Variants in TNFSF13B observed in about 807,000 individuals in gnomAD.
TNFSF13B encodes TNF superfamily member 13b, also known as tumor necrosis factor ligand superfamily member 13B.
TNFSF13B carries 8 observed loss-of-function variants against 29.1 expected under a neutral mutation model. The observed-to-expected ratio is 0.27, with a 90% CI of 0.16 to 0.50. The LOEUF (loss-of-function observed/expected upper bound fraction) is 0.50. TNFSF13B is among the 20% of genes least tolerant of loss of function. TNFSF13B has a pLI of 0.98. For synonymous variants in TNFSF13B, 125 were observed against 130.8 expected (o/e 0.96, Z 0.30); for missense variants, 248 against 334.9 (o/e 0.74, Z 2.03).
upstream of TNFSF13B, chr13:108,269,670 T>C: frequency 2.1e-6 from 1 of 476,378 alleles, no homozygotes; most frequent in Admixed American, 3.9e-5. Flanking sequence ...GGAAGACAGA[T>C]TGAGCAATCC....
chr13:108,290,613 A>G (rs1327861650), intron 3 of TNFSF13B, among the ~76,000 whole-genome samples: 1 of 151,346 alleles, frequency 6.6e-6, no homozygotes, highest in Admixed American at 6.6e-5. Flanking sequence ...ATCTGTTCAT[A>G]TTTTTTTCCA....
At chr13:108,289,178 G>T (rs1000062731) in intron 3 of TNFSF13B, among the ~76,000 whole-genome samples, 6 of 151,532 alleles carry the variant, frequency 4.0e-5, no homozygotes, top group African/African-American at 1.5e-4. Flanking sequence ...CCCCCAAAAT[G>T]CTATAAATTG....
At chr13:108,288,089 T>C (rs1881195372) in intron 3 of TNFSF13B, among the ~76,000 whole-genome samples, 1 of 152,212 alleles carries the variant, frequency 6.6e-6, no homozygotes, top group African/African-American at 2.4e-5. Flanking sequence ...ATCCAGTTTT[T>C]CACAAATTTT....
chr13:108,278,633 T>G (rs1360988054), intron 2 of TNFSF13B, among the ~76,000 whole-genome samples: 8 of 88,102 alleles, frequency 9.1e-5, no homozygotes, highest in Non-Finnish European at 1.5e-4. Flanking sequence ...CCTCCTCCCT[T>G]TCCTCCTCCT....
rs1376662194 is a variant in TNFSF13B, at chr13:108,307,385, G to A, written c.*447G>A. The A allele has an allele frequency of 1.3e-5, 2 of 152,238 alleles. No homozygotes were observed. Among genetic ancestry groups the A allele is most frequent in the Non-Finnish European group, 2.9e-5 (2 of 68,178 alleles). 9.4% of individuals were successfully genotyped at this position (152,238 alleles called of 1,614,324 possible). A position where few individuals can be genotyped will look rare whatever the true frequency, so the allele number is the denominator to read the frequency against. ...CTCAGGATTCATCTTCTGTTTTTAT[G>A]TTAAATGCACTCCCTCCTTTTCAGT... On this transcript the variant is annotated 3_prime_UTR_variant, in exon 6 of 6. Coordinates refer to ENST00000375887, the MANE Select transcript of TNFSF13B (RefSeq NM_006573.5).
intron 2 of TNFSF13B, among the ~76,000 whole-genome samples, chr13:108,280,019 C>T (rs1055546614): frequency 1.3e-5 from 2 of 151,228 alleles, no homozygotes; most frequent in African/African-American, 4.9e-5. Context: ...TGAGTAATAC[C>T]CATTTCTTCC....
chr13:108,277,444 G>T (rs755593032), intron 2 of TNFSF13B, among the ~76,000 whole-genome samples: 3 of 152,004 alleles, frequency 2.0e-5, no homozygotes, highest in Non-Finnish European at 4.4e-5. Context: ...CCTTTGGGTC[G>T]GGGGTTTCTG....
intron 3 of TNFSF13B, among the ~76,000 whole-genome samples, chr13:108,297,172 A>G (rs957488627): frequency 2.1e-5 from 3 of 145,518 alleles, no homozygotes; most frequent in Non-Finnish European, 4.6e-5. Flanking sequence ...TTATTTGAGA[A>G]CATCTTAATT....
At chr13:108,271,905 T>C (rs1247291406) in intron 2 of TNFSF13B, among the ~76,000 whole-genome samples, 2 of 152,176 alleles carry the variant, frequency 1.3e-5, no homozygotes, top group Non-Finnish European at 2.9e-5. Context: ...CAGAACTCTT[T>C]TATTTCTGTG....
chr13:108,284,479 C>T (rs1373572656), intron 2 of TNFSF13B, among the ~76,000 whole-genome samples: 2 of 152,200 alleles, frequency 1.3e-5, no homozygotes, highest in African/African-American at 4.8e-5. Context: ...TCCACGGTGT[C>T]CTTCCATGAT....
intron 2 of TNFSF13B, among the ~76,000 whole-genome samples, chr13:108,281,744 T>C (rs1320388802): frequency 6.6e-6 from 1 of 152,220 alleles, no homozygotes; most frequent in South Asian, 2.1e-4. Flanking sequence ...ATTACTTTTT[T>C]AAGTAAGCAA....
At position 108,295,703 on chromosome 13, in the gene TNFSF13B, G is replaced by A. The variant is rs1338541304; in HGVS notation, c.482-7550G>A. ...TTTCTTTCTGAGTGCTACTTTCACT[G>A]CTTCCTATGAATATTGCTATGCTGT... On this transcript the variant is annotated intron_variant, in intron 3 of 5. Coordinates refer to ENST00000375887, the MANE Select transcript of TNFSF13B (RefSeq NM_006573.5). 2.8e-5 allele frequency among the ~76,000 whole-genome samples: 4 copies of A among 145,236 alleles called. No homozygotes were observed. In the East Asian group the frequency reaches 7.7e-4, roughly 28 times the overall value.
At chr13:108,282,803 G>C (rs78060317) in intron 2 of TNFSF13B, among the ~76,000 whole-genome samples, 2 of 151,906 alleles carry the variant, frequency 1.3e-5, no homozygotes, top group Admixed American at 1.3e-4. Flanking sequence ...CCATAGGCTC[G>C]GAAGGGTTTT....
chr13:108,278,682 TTTC>T (rs1880842621), intron 2 of TNFSF13B, among the ~76,000 whole-genome samples: 2 of 7,936 alleles, frequency 2.5e-4, no homozygotes, highest in African/African-American at 4.5e-4. Flanking sequence ...CCTCTCCTCC[TTTC>T]CTCCTCCTCT....
rs58093140 is a variant in TNFSF13B at position 108,307,016 on chromosome 13, CAAAAAAAAA to C, written c.*101_*109del. ...GAAGAAAGAATCTAACTGAAAATACCAAAAAAAAAAAAAAAAAAAAAAAAAAAAAAAGTA... is the reference window on the plus strand; with the variant it reads ...GAAGAAAGAATCTAACTGAAAATACCAAAAAAAAAAAAAAAAAAAAAAGTA... On this transcript the variant is annotated 3_prime_UTR_variant, in exon 6 of 6. Transcript: ENST00000375887. 1.1e-3 allele frequency: 85 copies of C among 76,586 alleles called. No homozygotes were observed. Among genetic ancestry groups the C allele is most frequent in the Middle Eastern group, 6.4e-3 (1 of 156 alleles). 4.7% of individuals were successfully genotyped at this position (76,586 alleles called of 1,614,324 possible). A position where few individuals can be genotyped will look rare whatever the true frequency, so the allele number is the denominator to read the frequency against.
chr13:108,306,346 T>C (rs1201472863), intron 5 of TNFSF13B, among the ~76,000 whole-genome samples: 1 of 152,036 alleles, frequency 6.6e-6, no homozygotes, highest in Non-Finnish European at 1.5e-5. Flanking sequence ...AAATGGTGTT[T>C]TCTTCAGTTT....
chr13:108,277,884 G>C (rs928884988), intron 2 of TNFSF13B, among the ~76,000 whole-genome samples: 1 of 152,034 alleles, frequency 6.6e-6, no homozygotes, highest in East Asian at 1.9e-4. Context: ...ACGCCTTTGT[G>C]ACCTGTATTT....
chr13:108,301,644 G>A (rs928773223), intron 3 of TNFSF13B, among the ~76,000 whole-genome samples: 2 of 152,138 alleles, frequency 1.3e-5, no homozygotes, highest in African/African-American at 2.4e-5. Flanking sequence ...CTGGGGTGGC[G>A]GGGGTGGAGG....
intron 3 of TNFSF13B, among the ~76,000 whole-genome samples, chr13:108,294,046 CT>C (rs1353051977): frequency 6.6e-6 from 1 of 152,082 alleles, no homozygotes; most frequent in Non-Finnish European, 1.5e-5. Flanking sequence ...AAATGGGATT[CT>C]TTTTTAAAAT....
Sources: gnomAD v4.1 joint callset for allele counts (sites outside exome capture counted in the v4.1 genomes callset) on GRCh38, gnomAD v4.1.1 for gene constraint, MANE v1.5 for transcripts, NCBI Gene and HGNC (gene_info 2026-07-23, HGNC 2026-07-21) for gene names.